Variants in GSG1 observed in about 807,000 individuals in gnomAD.
GSG1 encodes the protein germ cell-specific gene 1 protein.
A neutral mutation model predicts 30.8 loss-of-function variants in GSG1; 28 were observed. That is an observed-to-expected ratio of 0.91 (90% CI 0.67 to 1.25). GSG1 has a LOEUF of 1.25. Among genes scored for constraint, GSG1 ranks in the 50% most tolerant of loss-of-function variants. The pLI is 0.00. For synonymous variants in GSG1, 162 were observed against 178.0 expected (o/e 0.91, Z 0.71); for missense variants, 435 against 444.7 (o/e 0.98, Z 0.20).
At chr12:13,090,971 C>T (rs1394875101) in intron 1 of GSG1, among the ~76,000 whole-genome samples, 153 bp from the exon 2 acceptor site, 1 of 152,184 alleles carries the variant, frequency 6.6e-6, no homozygotes, top group Non-Finnish European at 1.5e-5. Flanking sequence ...CATTTTTCTC[C>T]AGGGGCCGCA....
intron 1 of GSG1, among the ~76,000 whole-genome samples, 156 bp from the exon 2 acceptor site, chr12:13,090,974 G>C (rs1328804724): frequency 1.3e-5 from 2 of 152,100 alleles, no homozygotes; most frequent in Non-Finnish European, 2.9e-5. Context: ...TTTTCTCCAG[G>C]GGCCGCATGG....
chr12:13,089,492 C>T (rs1437253424), intron 2 of GSG1: 1 of 648,636 alleles, frequency 1.5e-6, no homozygotes, highest in East Asian at 3.4e-5. Flanking sequence ...GCTCATTCCT[C>T]CAAACCTGAG....
At chr12:13,102,216 G>T (rs1302219970) in intron 1 of GSG1, among the ~76,000 whole-genome samples, 5 of 152,122 alleles carry the variant, frequency 3.3e-5, no homozygotes, top group Non-Finnish European at 7.4e-5. Context: ...AGGACTGTTC[G>T]CCTGACTCAT....
chr12:13,099,762 T>TTTTTTTTTTTTG (rs1565551377), intron 1 of GSG1, among the ~76,000 whole-genome samples: 5 of 148,264 alleles, frequency 3.4e-5, no homozygotes, highest in African/African-American at 1.3e-4. Context: ...TTTTTTTTTT[T>TTTTTTTTTTTTG]TTTTTTGTTT....
intron 6 of GSG1, among the ~76,000 whole-genome samples, chr12:13,086,612 C>T (rs1865547351): frequency 6.6e-6 from 1 of 151,932 alleles, no homozygotes; most frequent in East Asian, 1.9e-4. Context: ...AATGACTGAC[C>T]CCTTAGTTCT....
In GSG1 at chr12:13,093,205, G is replaced by A. The variant is rs1866328709; in HGVS notation, c.49-2387C>T. On this transcript the variant is annotated intron_variant, in intron 1 of 6. Transcript: ENST00000651961. This position sits in a 1 kb window ranked among gnomAD's most constrained non-coding sequence, Gnocchi z 4.6. ...TTGATAACTTCTGGAAAAGTTTTAT[G>A]TAAAGTCTAAACTTTATATAAAAGT... Among the ~76,000 whole-genome samples, 1 of 152,048 alleles carries A rather than the reference G, an allele frequency of 6.6e-6. No individual in the cohort carries two copies. The highest frequency in any genetic ancestry group is 1.5e-5 in the Non-Finnish European group (1 of 68,000).
chr12:13,092,243 A>ATG lies in GSG1; in HGVS notation c.49-1427_49-1426dup, dbSNP rs909560122. Among the ~76,000 whole-genome samples the ATG allele has an allele frequency of 7.1e-5, 8 of 113,212 alleles. No individual in the cohort carries two copies. In the East Asian group the frequency reaches 1.2e-3, roughly 17 times the overall value. 74.3% of individuals were successfully genotyped at this position (113,212 alleles called of 152,430 possible). On this transcript the variant is annotated intron_variant, in intron 1 of 6. Transcript: ENST00000651961. ...AGCCGGCAAATCCTAGGGAGGATGT[A>ATG]TGTGTGTGTGTGTACCTTTATGGTG...
chr12:13,087,296 A>C, intron 5 of GSG1, 33 bp from the exon 6 acceptor site: 1 of 1,528,246 alleles, frequency 6.5e-7, no homozygotes, highest in Non-Finnish European at 9.1e-7. Context: ...GAGCCCTTAG[A>C]GAAAGGCTTT....
chr12:13,084,797 T>A lies in GSG1; in HGVS notation c.*104A>T. ...CTTATTCATAGCCTTATTCGTAGCCTCTAAAAACCATGCTCAAGAGACGGA... is the reference window on the plus strand; with the variant it reads ...CTTATTCATAGCCTTATTCGTAGCCACTAAAAACCATGCTCAAGAGACGGA... On this transcript the variant is annotated 3_prime_UTR_variant, in exon 7 of 7. Coordinates refer to ENST00000651961, the MANE Select transcript of GSG1 (RefSeq NM_001080555.4). The A allele has an allele frequency of 1.3e-6, 1 of 753,014 alleles. No individual in the cohort carries two copies. The highest frequency in any genetic ancestry group is 2.2e-6 in the Non-Finnish European group (1 of 463,978). The allele number at this position is 753,014 out of a possible 1,614,324, so 46.6% of individuals were successfully genotyped here. A position where few individuals can be genotyped will look rare whatever the true frequency, so the allele number is the denominator to read the frequency against.
chr12:13,100,714 C>T (rs1863132074), intron 1 of GSG1, among the ~76,000 whole-genome samples: 2 of 152,206 alleles, frequency 1.3e-5, no homozygotes, highest in Admixed American at 6.5e-5. Flanking sequence ...GACATTTTCA[C>T]ATTTGTTTCC....
At position 13,093,287 on chromosome 12, in the gene GSG1, T is replaced by A. The variant is rs1430502125; in HGVS notation, c.49-2469A>T. Reference sequence around the variant, plus strand: ...CTCTTTGTGATAATCGTTTTTGGCTTTGTCTTCACTGACAGGTAGTAGCAC... The same window carrying A: ...CTCTTTGTGATAATCGTTTTTGGCTATGTCTTCACTGACAGGTAGTAGCAC... On this transcript the variant is annotated intron_variant, in intron 1 of 6. Transcript: ENST00000651961. The surrounding 1 kb of genome is among the most constrained non-coding windows in gnomAD (Gnocchi z 4.6). 2.6e-5 allele frequency among the ~76,000 whole-genome samples: 4 copies of A among 152,236 alleles called. No individual in the cohort carries two copies. The highest frequency in any genetic ancestry group is 6.5e-5 in the Admixed American group (1 of 15,278).
At chr12:13,099,955 C>G (rs981496525) in intron 1 of GSG1, among the ~76,000 whole-genome samples, 1 of 152,184 alleles carries the variant, frequency 6.6e-6, no homozygotes, top group Non-Finnish European at 1.5e-5. Context: ...GTCTGATGAC[C>G]ATGCATGCCC....
chr12:13,095,536 A>G, intron 1 of GSG1: 1 of 1,503,354 alleles, frequency 6.7e-7, no homozygotes, highest in Non-Finnish European at 9.3e-7. Context: ...ACTTCTTAAA[A>G]GAGCCAGGTA....
rs185636322 is a variant in GSG1, at chr12:13,093,785, G to A, written c.49-2967C>T. 6.6e-6 allele frequency among the ~76,000 whole-genome samples: 1 copy of A among 152,150 alleles called. No individual in the cohort carries two copies. The highest frequency in any genetic ancestry group is 1.5e-5 in the Non-Finnish European group (1 of 68,024). ...AGGGGAGGCTGCCGAAAGAACTGAG[G>A]CCCCAGATGGCTCTGGCAGGAGCCC... On this transcript the variant is annotated intron_variant, in intron 1 of 6. Coordinates refer to ENST00000651961, the MANE Select transcript of GSG1 (RefSeq NM_001080555.4). The surrounding 1 kb of genome is among the most constrained non-coding windows in gnomAD (Gnocchi z 4.6).
intron 1 of GSG1, among the ~76,000 whole-genome samples, chr12:13,095,198 C>T (rs1866555406): frequency 6.6e-6 from 1 of 152,194 alleles, no homozygotes. Context: ...CTCCTTTCCC[C>T]AAACATGCCT....
Position 13,095,785 on chromosome 12 carries a change from G to A in GSG1, c.49-4967C>T, listed in dbSNP as rs953193523. The A allele has an allele frequency of 2.0e-6, 3 of 1,504,656 alleles. No homozygotes were observed. The East Asian group carries it at 7.4e-5, about 37-fold the overall frequency. The allele number at this position is 1,504,656 out of a possible 1,614,324, so 93.2% of individuals were successfully genotyped here. A position where few individuals can be genotyped will look rare whatever the true frequency, so the allele number is the denominator to read the frequency against. The stretch of plus-strand genomic sequence containing the variant: ...CTCATGATTAAATGCTGCCTTACAG[G>A]GAACACGGGCATTTAATAATTGACA... On this transcript the variant is annotated intron_variant, in intron 1 of 6. Transcript: ENST00000651961.
intron 2 of GSG1, 40 bp from the exon 3 acceptor site, chr12:13,089,316 A>T (rs1338375392): frequency 6.5e-7 from 1 of 1,549,826 alleles, no homozygotes. Context: ...AAATACACAC[A>T]TTTTTTTAAT....
chr12:13,085,068 T>A lies in GSG1; in HGVS notation c.922A>T (p.Thr308Ser). The A allele has an allele frequency of 6.2e-7, 1 of 1,609,392 alleles. No individual in the cohort carries two copies. Among genetic ancestry groups the A allele is most frequent in the Non-Finnish European group, 8.5e-7 (1 of 1,177,624 alleles). ...TGGTAGCTGGTCAAAGGACCCACGGTGGGGGCTGCACTTGACAGCCGCCGA... is the reference window on the plus strand; with the variant it reads ...TGGTAGCTGGTCAAAGGACCCACGGAGGGGGCTGCACTTGACAGCCGCCGA... ...FPRRLSSAAP[T>S]VGPLTSYHQY... The change falls in exon 7 of 7, where the codon ACC (threonine) becomes TCC (serine). Residue 308 changes from threonine (T) to serine (S), a missense_variant. Transcript: ENST00000651961.
chr12:13,098,361 CGT>C lies in GSG1; in HGVS notation c.48+5102_48+5103del, dbSNP rs1414054728. Among the ~76,000 whole-genome samples the C allele has an allele frequency of 1.3e-4, 19 of 150,612 alleles. No individual in the cohort carries two copies. In the Admixed American group the frequency reaches 1.3e-3, roughly 10 times the overall value. On this transcript the variant is annotated intron_variant, in intron 1 of 6. Transcript: ENST00000651961. Reference sequence around the variant, plus strand: ...CCCTGCCTGCTAATCTACAGAATGCCGTGTGTCAGCTCTATGGAATTCAGGGC... The same window carrying C: ...CCCTGCCTGCTAATCTACAGAATGCCGTGTCAGCTCTATGGAATTCAGGGC...
Sources: allele counts gnomAD v4.1 joint callset (sites outside exome capture counted in the v4.1 genomes callset), GRCh38; gene constraint gnomAD v4.1.1; non-coding constraint Gnocchi (gnomAD v3.1); transcripts MANE v1.5; gene names NCBI Gene and HGNC (gene_info 2026-07-23, HGNC 2026-07-21).